COBLL1: variants seen among roughly 807,000 people sequenced by gnomAD.
COBLL1 encodes cordon-bleu WH2 repeat protein like 1, also known as cordon-bleu protein-like 1.
COBLL1 carries 50 observed loss-of-function variants against 94.8 expected under a neutral mutation model. The ratio of observed to expected loss-of-function variants is 0.53; its 90% CI spans 0.42 to 0.67. COBLL1 has a LOEUF of 0.67. COBLL1 is among the 30% of genes least tolerant of loss of function. COBLL1 has a pLI of 0.00. For synonymous variants in COBLL1, 448 were observed against 473.8 expected (o/e 0.95, Z 0.71); for missense variants, 1,362 against 1,348.7 (o/e 1.01, Z -0.15).
chr2:164,825,699 T>C (rs1685396361), intron 2 of COBLL1, among the ~76,000 whole-genome samples: 1 of 152,234 alleles, frequency 6.6e-6, no homozygotes, highest in Admixed American at 6.5e-5. Context: ...ATTTTCAGAC[T>C]ATGCCATCAT....
Position 164,702,290 on chromosome 2 carries a change from G to C in COBLL1, c.1226-1534C>G, listed in dbSNP as rs1199687320. On this transcript the variant is annotated intron_variant, in intron 9 of 13. Transcript: ENST00000652658. ...ATAATTTGAAAACTCTAGGCTGGGC[G>C]TGGTGGCTCACGCCTGTAATCCCAG... Among the ~76,000 whole-genome samples the C allele has an allele frequency of 2.6e-5, 4 of 152,076 alleles. No homozygotes were observed. The South Asian group carries it at 8.3e-4, about 32-fold the overall frequency.
chr2:164,776,226 T>C (rs1413767055), intron 2 of COBLL1, among the ~76,000 whole-genome samples: 4 of 152,092 alleles, frequency 2.6e-5, no homozygotes, highest in African/African-American at 9.7e-5. Flanking sequence ...ATTCATTCTC[T>C]GTTTTAAATC....
chr2:164,676,348 T>A (rs1691335184), downstream of COBLL1, among the ~76,000 whole-genome samples: 1 of 152,096 alleles, frequency 6.6e-6, no homozygotes, highest in Non-Finnish European at 1.5e-5. Context: ...ATATAATTGA[T>A]CTTGTAGATG....
At chr2:164,796,951 G>C (rs1450644852) in intron 2 of COBLL1, among the ~76,000 whole-genome samples, 1 of 152,096 alleles carries the variant, frequency 6.6e-6, no homozygotes, top group East Asian at 1.9e-4. Flanking sequence ...CTTCAGCCTG[G>C]ACAACAGAAC....
At chr2:164,679,029 A>AG (rs1682920401), downstream of COBLL1, among the ~76,000 whole-genome samples, 1 of 151,984 alleles carries the variant, frequency 6.6e-6, no homozygotes, top group African/African-American at 2.4e-5. Flanking sequence ...ACTCCTATCC[A>AG]CCCAGTTTTG....
At chr2:164,803,482 G>A (rs1297054527) in intron 2 of COBLL1, among the ~76,000 whole-genome samples, 1 of 150,618 alleles carries the variant, frequency 6.6e-6, no homozygotes, top group Non-Finnish European at 1.5e-5. Flanking sequence ...GGAGAATGGC[G>A]TGAACCCGGG....
intron 2 of COBLL1, among the ~76,000 whole-genome samples, chr2:164,781,078 T>C (rs1042597960): frequency 2.6e-5 from 4 of 152,222 alleles, no homozygotes; most frequent in African/African-American, 9.6e-5. Flanking sequence ...TTTCATAATG[T>C]TGCACTGTAA....
chr2:164,800,608 A>T (rs75458208), intron 2 of COBLL1: 131,925 of 699,274 alleles, frequency 0.19, 13,123 homozygotes, highest in Middle Eastern at 0.25. Context: ...AAAATACTGT[A>T]CTTGAATGTT....
At chr2:164,833,853 G>C (rs1683200825) in intron 2 of COBLL1, among the ~76,000 whole-genome samples, 1 of 152,184 alleles carries the variant, frequency 6.6e-6, no homozygotes, top group South Asian at 2.1e-4. Context: ...TTTATAAACA[G>C]TATAGTGAAC....
At chr2:164,722,908 G>T (rs1685529547) in intron 5 of COBLL1, 1 of 153,492 alleles carries the variant, frequency 6.5e-6, no homozygotes, top group Non-Finnish European at 1.4e-5. Context: ...CCTTTATTTT[G>T]ATTATACTTT....
intron 2 of COBLL1, among the ~76,000 whole-genome samples, chr2:164,819,740 A>T (rs1051604822): frequency 6.6e-6 from 1 of 152,162 alleles, no homozygotes; most frequent in South Asian, 2.1e-4. Context: ...GGAGATTTTT[A>T]AAATGTGTTT....
At position 164,701,452 on chromosome 2, in the gene COBLL1, C is replaced by T. The variant is rs962410269; in HGVS notation, c.1226-696G>A. ...CAGTTTGATTCTCAGAGGCAACTTG[C>T]TTTAACAGTTTTTCCTGTATGTCCT... On this transcript the variant is annotated intron_variant, in intron 9 of 13. Transcript: ENST00000652658. Among the ~76,000 whole-genome samples the T allele has an allele frequency of 7.9e-5, 12 of 152,212 alleles. No homozygotes were observed. In the East Asian group the frequency reaches 2.3e-3, roughly 29 times the overall value.
chr2:164,727,162 TA>T, intron 5 of COBLL1: 1 of 1,414,914 alleles, frequency 7.1e-7, no homozygotes, highest in Non-Finnish European at 9.6e-7. Flanking sequence ...AGGAGGGGTA[TA>T]AAAGAGGGTA....
chr2:164,743,643 G>T, intron 3 of COBLL1, 44 bp downstream of exon 3: 2 of 1,449,838 alleles, frequency 1.4e-6, no homozygotes, highest in Non-Finnish European at 1.9e-6. Context: ...TTCAATGGTG[G>T]AATAAGAAGG....
At chr2:164,823,239 A>G (rs1237949564) in intron 2 of COBLL1, among the ~76,000 whole-genome samples, 1 of 152,166 alleles carries the variant, frequency 6.6e-6, no homozygotes, top group African/African-American at 2.4e-5. Context: ...CTGTATAGTA[A>G]TATTTTCAAT....
chr2:164,792,539 C>T (rs1277665601), intron 2 of COBLL1, among the ~76,000 whole-genome samples: 1 of 152,056 alleles, frequency 6.6e-6, no homozygotes, highest in Non-Finnish European at 1.5e-5. Context: ...GACGTAGGAC[C>T]AAATTTAGAC....
At chr2:164,753,033 T>C (rs1047426708) in intron 2 of COBLL1, among the ~76,000 whole-genome samples, 1 of 152,180 alleles carries the variant, frequency 6.6e-6, no homozygotes, top group Non-Finnish European at 1.5e-5. Context: ...AAGTAGCATT[T>C]GGTTGAAAGA....
chr2:164,747,321 G>C (rs1173825136), intron 2 of COBLL1, among the ~76,000 whole-genome samples: 1 of 152,132 alleles, frequency 6.6e-6, no homozygotes, highest in Non-Finnish European at 1.5e-5. Flanking sequence ...ACTGCACACT[G>C]CAGTGAACTC....
At chr2:164,756,502 A>G (rs1687415006) in intron 2 of COBLL1, among the ~76,000 whole-genome samples, 1 of 152,170 alleles carries the variant, frequency 6.6e-6, no homozygotes, top group Non-Finnish European at 1.5e-5. Flanking sequence ...AAATGGCAAA[A>G]TATATTTTTA....
Sources: allele counts gnomAD v4.1 joint callset (sites outside exome capture counted in the v4.1 genomes callset), GRCh38; gene constraint gnomAD v4.1.1; transcripts MANE v1.5; gene names NCBI Gene and HGNC (gene_info 2026-07-23, HGNC 2026-07-21).